Variants in DSCAM observed in about 807,000 individuals in gnomAD.
DSCAM encodes the protein DS cell adhesion molecule, also known as cell adhesion molecule DSCAM.
Under a neutral mutation model 217.7 loss-of-function variants are expected in DSCAM, and 47 were observed. The observed-to-expected ratio is 0.22, with a 90% CI of 0.17 to 0.28. DSCAM has a LOEUF of 0.28. Among genes scored for constraint, DSCAM ranks in the 10% least tolerant of loss-of-function variants. The pLI, the probability that DSCAM is intolerant of heterozygous loss-of-function variation, is 1.00. For missense variants in DSCAM, 2,080 were observed against 2,618.3 expected (o/e 0.79, Z 4.49); for synonymous variants, 1,056 against 1,015.3 (o/e 1.04, Z -0.76).
At chr21:40,274,873 G>T (rs2123376517) in intron 11 of DSCAM, among the ~76,000 whole-genome samples, 1 of 152,268 alleles carries the variant, frequency 6.6e-6, no homozygotes, top group Non-Finnish European at 1.5e-5. Flanking sequence ...TTCTTCGTGA[G>T]TTAGGATGGA....
intron 3 of DSCAM, among the ~76,000 whole-genome samples, chr21:40,652,932 C>G (rs527570699): frequency 6.6e-6 from 1 of 152,272 alleles, no homozygotes; most frequent in Admixed American, 6.5e-5. Flanking sequence ...CATCTGAGCA[C>G]TCTATGTGAC....
intron 3 of DSCAM, among the ~76,000 whole-genome samples, chr21:40,486,514 A>G (rs1041781772): frequency 2.1e-5 from 3 of 145,870 alleles, no homozygotes; most frequent in African/African-American, 5.0e-5. Flanking sequence ...AGGAGAGGAG[A>G]GGAGGGGATG....
chr21:40,769,891 T>C (rs1047774103), intron 1 of DSCAM, among the ~76,000 whole-genome samples: 3 of 152,124 alleles, frequency 2.0e-5, no homozygotes, highest in African/African-American at 7.2e-5. Context: ...ACCCTTGATG[T>C]CTCCTGTAAA....
At chr21:40,816,476 G>A (rs2123567387) in intron 1 of DSCAM, among the ~76,000 whole-genome samples, 1 of 152,294 alleles carries the variant, frequency 6.6e-6, no homozygotes, top group African/African-American at 2.4e-5. Context: ...CTACTCGGGA[G>A]GCTGAGGCAG....
At chr21:40,041,969 A>G (rs2088759308) in intron 32 of DSCAM, among the ~76,000 whole-genome samples, 1 of 152,110 alleles carries the variant, frequency 6.6e-6, no homozygotes, top group South Asian at 2.1e-4. Context: ...TCCAGGCCCA[A>G]CCTAAGGAAA....
intron 3 of DSCAM, among the ~76,000 whole-genome samples, chr21:40,663,432 TCTC>T (rs1189325754): frequency 6.6e-6 from 1 of 151,822 alleles, no homozygotes; most frequent in Non-Finnish European, 1.5e-5. Context: ...TTGCCGGCAC[TCTC>T]CTCCCACCGC....
intron 6 of DSCAM, among the ~76,000 whole-genome samples, chr21:40,343,945 C>A (rs1301165755): frequency 7.1e-6 from 1 of 140,210 alleles, no homozygotes. Context: ...ACTCTGTCAC[C>A]CAGGCTGGAG....
intron 3 of DSCAM, among the ~76,000 whole-genome samples, chr21:40,517,439 A>G (rs2076311888): frequency 6.8e-6 from 1 of 147,334 alleles, no homozygotes; most frequent in Non-Finnish European, 1.5e-5. Flanking sequence ...ACACACACAG[A>G]CACGCATATT....
At position 40,044,153 on chromosome 21, in the gene DSCAM, G is replaced by A. The variant is rs369034510; in HGVS notation, c.5308C>T (p.Leu1770=). The change falls in exon 31 of 33, where the codon CTG becomes TTG. Residue 1770 remains leucine (L), a synonymous_variant. Transcript: ENST00000400454. ...SAHTLTTDWR[L]PTPRAAGSVD... is the part of the protein sequence containing the mutation. ...GATCCTGCAGCCCTGGGTGTTGGCAGCCTCCAGTCTGTGGTGAGGGTGTGT... is the reference window on the plus strand; with the variant it reads ...GATCCTGCAGCCCTGGGTGTTGGCAACCTCCAGTCTGTGGTGAGGGTGTGT... The A allele has an allele frequency of 6.2e-7, 1 of 1,614,174 alleles. No individual in the cohort carries two copies. Among genetic ancestry groups the A allele is most frequent in the East Asian group, 2.2e-5 (1 of 44,874 alleles).
At position 40,278,141 on chromosome 21, in the gene DSCAM, C is replaced by A. The variant is rs560371051; in HGVS notation, c.2183-1871G>T. ...AAAAAGAAAATATATTGGCAAAAAA[C>A]CATAAAATATTTAGAATAAATTTAA... On this transcript the variant is annotated intron_variant, in intron 10 of 32. Transcript: ENST00000400454. Among the ~76,000 whole-genome samples the A allele has an allele frequency of 6.6e-5, 10 of 152,050 alleles. No homozygotes were observed. The East Asian group carries it at 1.7e-3, about 26-fold the overall frequency.
Position 40,470,255 on chromosome 21 carries a change from AAG to A in DSCAM, c.509-101012_509-101011del, listed in dbSNP as rs199566051. 6.2e-4 allele frequency among the ~76,000 whole-genome samples: 95 copies of A among 152,382 alleles called. 1 individual carries two copies. The East Asian group carries it at 0.017, about 27-fold the overall frequency. ...GGATTCAGTAACTACGACTAAAACC[AAG>A]AGTGCTGTGAGCTCATTAATGTTAC... On this transcript the variant is annotated intron_variant, in intron 3 of 32. Coordinates refer to ENST00000400454, the MANE Select transcript of DSCAM (RefSeq NM_001389.5).
At chr21:40,572,404 C>A (rs2146205717) in intron 3 of DSCAM, among the ~76,000 whole-genome samples, 1 of 151,984 alleles carries the variant, frequency 6.6e-6, no homozygotes, top group Non-Finnish European at 1.5e-5. Context: ...GAAACAAATA[C>A]TGGTAAAATA....
intron 3 of DSCAM, among the ~76,000 whole-genome samples, chr21:40,553,656 C>T (rs953016453): frequency 1.3e-5 from 2 of 152,210 alleles, no homozygotes; most frequent in Non-Finnish European, 2.9e-5. Context: ...CTAAATGCTT[C>T]TCACTCTTCA....
At chr21:40,370,583 T>C (rs1421926357) in intron 3 of DSCAM, among the ~76,000 whole-genome samples, 1 of 152,058 alleles carries the variant, frequency 6.6e-6, no homozygotes, top group Non-Finnish European at 1.5e-5. Flanking sequence ...TAACTACACA[T>C]CATGCATAGG....
At chr21:40,085,019 T>G (rs2089512483) in intron 23 of DSCAM, among the ~76,000 whole-genome samples, 1 of 152,214 alleles carries the variant, frequency 6.6e-6, no homozygotes, top group South Asian at 2.1e-4. Flanking sequence ...CATACAAATC[T>G]GAACTCAATC....
chr21:40,588,241 T>C (rs1469098538), intron 3 of DSCAM, among the ~76,000 whole-genome samples: 1 of 152,184 alleles, frequency 6.6e-6, no homozygotes, highest in Admixed American at 6.5e-5. Context: ...CCTCTGATAT[T>C]AGGTTGGCTC....
intron 1 of DSCAM, among the ~76,000 whole-genome samples, chr21:40,790,869 G>C (rs1449100321): frequency 6.6e-6 from 1 of 152,074 alleles, no homozygotes; most frequent in Admixed American, 6.5e-5. Flanking sequence ...CAGGGAAAAG[G>C]TCTTCATAGA....
chr21:40,691,538 G>C (rs1218787994), intron 3 of DSCAM, among the ~76,000 whole-genome samples: 1 of 152,194 alleles, frequency 6.6e-6, no homozygotes, highest in East Asian at 1.9e-4. Context: ...AAGGAGAGAA[G>C]ATGAAGATGT....
intron 1 of DSCAM, among the ~76,000 whole-genome samples, chr21:40,770,497 G>A (rs1003181424): frequency 2.6e-5 from 4 of 152,130 alleles, no homozygotes; most frequent in Non-Finnish European, 5.9e-5. Context: ...AGAGTTATTC[G>A]AGTTTTTTCC....
Sources: gnomAD v4.1 joint callset for allele counts (sites outside exome capture counted in the v4.1 genomes callset) on GRCh38, gnomAD v4.1.1 for gene constraint, MANE v1.5 for transcripts, NCBI Gene and HGNC (gene_info 2026-07-23, HGNC 2026-07-21) for gene names.